Variants in COL4A1 observed in about 807,000 individuals in gnomAD.
The protein encoded by COL4A1 is collagen alpha-1(IV) chain.
COL4A1 carries 40 observed loss-of-function variants against 216.6 expected under a neutral mutation model. The observed-to-expected ratio is 0.18, with a 90% CI of 0.14 to 0.24. The LOEUF is 0.24. COL4A1 is among the 10% of genes least tolerant of loss of function. The pLI is 1.00. For synonymous variants in COL4A1, 839 were observed against 810.7 expected (o/e 1.03, Z -0.59); for missense variants, 1,628 against 2,196.8 (o/e 0.74, Z 5.18).
intron 33 of COL4A1, 82 bp downstream of exon 33, chr13:110,177,760 G>C: frequency 7.0e-7 from 1 of 1,429,588 alleles, no homozygotes. Flanking sequence ...AGGGAAATAT[G>C]ATCTATGACA....
chr13:110,204,446 T>C (rs962410794), intron 17 of COL4A1, among the ~76,000 whole-genome samples: 17 of 152,180 alleles, frequency 1.1e-4, no homozygotes, highest in African/African-American at 4.1e-4. Context: ...GGTTTCTTCC[T>C]TTTGTCCCTG....
At chr13:110,289,053 G>T (rs7998875) in intron 1 of COL4A1, among the ~76,000 whole-genome samples, 1,834 of 152,206 alleles carry the variant, frequency 0.012, 36 homozygotes, top group African/African-American at 0.041. Flanking sequence ...AAAAAGATGC[G>T]TGTCACAGGC....
chr13:110,192,467 G>A (rs527580411), intron 23 of COL4A1, among the ~76,000 whole-genome samples, 183 bp from the exon 24 acceptor site: 3 of 152,216 alleles, frequency 2.0e-5, no homozygotes, highest in African/African-American at 4.8e-5. Flanking sequence ...GTGACCCGAC[G>A]CACATGTACA....
Position 110,155,322 on chromosome 13 carries a change from G to A in COL4A1, c.4716C>T (p.Ser1572=), listed in dbSNP as rs200290773. 74 of 1,614,132 alleles carry A rather than the reference G, an allele frequency of 4.6e-5. 1 individual carries two copies. In the South Asian group the frequency reaches 4.7e-4, roughly 10 times the overall value. The change falls in exon 50 of 52, where the codon AGC becomes AGT. Residue 1572 remains serine, a synonymous_variant. Coordinates refer to ENST00000375820, the MANE Select transcript of COL4A1 (RefSeq NM_001845.6). The part of the protein sequence containing the change: ...SQTIQIPPCP[S]GWSSLWIGYS... Reference sequence around the variant, plus strand: ...AGCCGATCCACAGCGAGGACCACCCGCTGGGGCACGGTGGGATCTGAATGG... The same window carrying A: ...AGCCGATCCACAGCGAGGACCACCCACTGGGGCACGGTGGGATCTGAATGG...
chr13:110,301,845 T>C (rs1594129493), intron 1 of COL4A1, among the ~76,000 whole-genome samples: 1 of 151,902 alleles, frequency 6.6e-6, no homozygotes, highest in African/African-American at 2.4e-5. Flanking sequence ...ATTTGACAGA[T>C]CCGTACCACA....
At position 110,176,989 on chromosome 13, in the gene COL4A1, A is replaced by G; in HGVS notation, c.2765T>C (p.Leu922Ser). The G allele has an allele frequency of 6.2e-7, 1 of 1,613,952 alleles. No homozygotes were observed. The highest frequency in any genetic ancestry group is 8.5e-7 in the Non-Finnish European group (1 of 1,179,978). ...ACCGACATCCCCCTTATCACCTTTC[A>G]AGCCAGGGTCTCCCCTGGGTCCTGA... Reference protein sequence around the residue: ...GSSGPRGDPGLKGDKGDVGLP... With the variant: ...GSSGPRGDPGSKGDKGDVGLP... The change falls in exon 34 of 52, where the codon TTG becomes TCG. Residue 922 changes from leucine to serine, a missense_variant. By Grantham distance (145) the Leu-to-Ser change is moderately radical. Coordinates refer to ENST00000375820, the MANE Select transcript of COL4A1 (RefSeq NM_001845.6).
rs141903722 is a variant in COL4A1 at position 110,288,157 on chromosome 13, G to A, written c.84+18787C>T. On this transcript the variant is annotated intron_variant, in intron 1 of 51. Coordinates refer to ENST00000375820, the MANE Select transcript of COL4A1 (RefSeq NM_001845.6). ...CAGACACCTGTAATCCCAGTTACTC[G>A]GGAGGCTAAGGCAGGAGAATAACTT... Among the ~76,000 whole-genome samples, 984 of 151,640 alleles carry A rather than the reference G, an allele frequency of 6.5e-3. 14 individuals carry two copies. The highest frequency in any genetic ancestry group is 0.022 in the African/African-American group (913 of 41,358).
intron 2 of COL4A1, among the ~76,000 whole-genome samples, chr13:110,216,079 T>C (rs961157873): frequency 2.0e-5 from 3 of 152,176 alleles, no homozygotes; most frequent in Non-Finnish European, 2.9e-5. Context: ...TCAAGCCCCA[T>C]ACTGTGGCAC....
chr13:110,232,366 T>C (rs1390057786), intron 2 of COL4A1, among the ~76,000 whole-genome samples: 2 of 152,234 alleles, frequency 1.3e-5, no homozygotes, highest in Non-Finnish European at 2.9e-5. Flanking sequence ...GGTCTGTTAA[T>C]ACCATTTTTG....
rs376627658 is a variant in COL4A1, at chr13:110,178,913, T to A, written c.2458+10A>T. The A allele has an allele frequency of 6.3e-7, 1 of 1,598,974 alleles. No individual in the cohort carries two copies. Among genetic ancestry groups the A allele is most frequent in the Admixed American group, 1.7e-5 (1 of 59,584 alleles). ...TTGGGAACAGATAATTCTAGAAGCATGTCACTCACCTGACAACCCCGGTGG... is the reference window on the plus strand; with the variant it reads ...TTGGGAACAGATAATTCTAGAAGCAAGTCACTCACCTGACAACCCCGGTGG... On this transcript the variant is annotated intron_variant, in intron 31 of 51. Transcript: ENST00000375820.
chr13:110,232,669 G>A (rs760479664), intron 2 of COL4A1, among the ~76,000 whole-genome samples: 55 of 152,210 alleles, frequency 3.6e-4, no homozygotes, highest in Non-Finnish European at 7.5e-4. Flanking sequence ...AGAGGCTGCC[G>A]GTGCTGGGCC....
intron 1 of COL4A1, among the ~76,000 whole-genome samples, chr13:110,284,492 T>C (rs1265552740): frequency 1.3e-5 from 2 of 152,152 alleles, no homozygotes; most frequent in Non-Finnish European, 2.9e-5. Context: ...TTCAGTCCCT[T>C]AAGAAATAGA....
At chr13:110,201,813 C>T in intron 18 of COL4A1, 1 of 536,080 alleles carries the variant, frequency 1.9e-6, no homozygotes, top group East Asian at 4.5e-5. Flanking sequence ...GAAACCCCGA[C>T]TCTACTAAAA....
intron 2 of COL4A1, among the ~76,000 whole-genome samples, chr13:110,219,996 G>A (rs1419799891): frequency 6.7e-5 from 10 of 148,794 alleles, no homozygotes; most frequent in Admixed American, 2.0e-4. Context: ...TTGAGGCAGG[G>A]TCTCACTCTG....
In COL4A1 at chr13:110,181,404, CAA is replaced by C. The variant is rs112508409; in HGVS notation, c.2096-17_2096-16del. The C allele has an allele frequency of 2.9e-4, 359 of 1,233,512 alleles. No homozygotes were observed. Among genetic ancestry groups the C allele is most frequent in the Non-Finnish European group, 3.5e-4 (312 of 886,168 alleles). The allele number at this position is 1,233,512 out of a possible 1,614,324, so 76.4% of individuals were successfully genotyped here. A position where few individuals can be genotyped will look rare whatever the true frequency, so the allele number is the denominator to read the frequency against. On this transcript the variant is annotated splice_polypyrimidine_tract_variant and intron_variant, in intron 28 of 51. Coordinates refer to ENST00000375820, the MANE Select transcript of COL4A1 (RefSeq NM_001845.6). ...GCCGTCAACACCTGTTTTAAAGAGT[CAA>C]AAAAAAAAAACAAACAAACAATCAT...
At position 110,252,595 on chromosome 13, in the gene COL4A1, C is replaced by CAAAAT. The variant is rs1566416191; in HGVS notation, c.85-9862_85-9861insATTTT. ...TATGTATTATATACGTATAATTATA[C>CAAAAT]GTATATATGTATTATATATGTATAA... is the stretch of plus-strand genomic sequence containing the variant. On this transcript the variant is annotated intron_variant, in intron 1 of 51. Coordinates refer to ENST00000375820, the MANE Select transcript of COL4A1 (RefSeq NM_001845.6). Among the ~76,000 whole-genome samples, 37 of 36,996 alleles carry CAAAAT rather than the reference C, an allele frequency of 1.0e-3. 11 individuals carry two copies. Among genetic ancestry groups the CAAAAT allele is most frequent in the East Asian group, 2.8e-3 (2 of 724 alleles). The allele number at this position is 36,996 out of a possible 152,430, so 24.3% of individuals were successfully genotyped here. A position where few individuals can be genotyped will look rare whatever the true frequency, so the allele number is the denominator to read the frequency against.
rs113190026 is a variant in COL4A1 at position 110,194,961 on chromosome 13, A to C, written c.1381+62T>G. 2,755 of 1,458,642 alleles carry C rather than the reference A, an allele frequency of 1.9e-3. 40 individuals carry two copies. The African/African-American group carries it at 0.035, about 18-fold the overall frequency. 90.4% of individuals were successfully genotyped at this position (1,458,642 alleles called of 1,614,324 possible). ...CCACTTGGCTCCAAAGCCGGTAAGT[A>C]TGTGGGAAAAAATCATACGCAAAGA... On this transcript the variant is annotated intron_variant, in intron 22 of 51. Transcript: ENST00000375820.
chr13:110,240,721 TGG>T (rs1469973878), intron 2 of COL4A1, among the ~76,000 whole-genome samples: 2 of 152,246 alleles, frequency 1.3e-5, no homozygotes, highest in Non-Finnish European at 2.9e-5. Context: ...GGAAGCGGCT[TGG>T]CTCTGAGGGG....
intron 49 of COL4A1, among the ~76,000 whole-genome samples, chr13:110,158,108 A>G (rs952910822): frequency 1.3e-5 from 2 of 152,262 alleles, no homozygotes; most frequent in African/African-American, 2.4e-5. Context: ...AAAAGTCTCA[A>G]AACAGTCAAT....
Sources: gnomAD v4.1 joint callset for allele counts (sites outside exome capture counted in the v4.1 genomes callset) on GRCh38, gnomAD v4.1.1 for gene constraint, MANE v1.5 for transcripts, NCBI Gene and HGNC (gene_info 2026-07-23, HGNC 2026-07-21) for gene names.